Variants in RAP1GAP observed in about 807,000 individuals in gnomAD.
RAP1GAP encodes the protein RAP1 GTPase activating protein.
In RAP1GAP, 35 loss-of-function variants were observed where a neutral mutation model predicts 87.2. That is an observed-to-expected ratio of 0.40 (90% CI 0.31 to 0.53). The LOEUF (loss-of-function observed/expected upper bound fraction) is 0.53, where lower values mean the gene tolerates loss of function less well. RAP1GAP is among the 20% of genes least tolerant of loss of function. RAP1GAP has a pLI of 0.48. For missense variants in RAP1GAP, 734 were observed against 898.9 expected (o/e 0.82, Z 2.35); for synonymous variants, 375 against 363.9 (o/e 1.03, Z -0.35).
chr1:21,660,059 C>T (rs1270104576), intron 1 of RAP1GAP, among the ~76,000 whole-genome samples: 2 of 151,842 alleles, frequency 1.3e-5, no homozygotes, highest in African/African-American at 2.4e-5. Flanking sequence ...CTGGTATCCT[C>T]GGGCTTGAAT....
At chr1:21,625,311 T>G (rs2091478875) in intron 3 of RAP1GAP, among the ~76,000 whole-genome samples, 1 of 152,198 alleles carries the variant, frequency 6.6e-6, no homozygotes, top group Non-Finnish European at 1.5e-5. Flanking sequence ...CCACTTTACT[T>G]CTCTGATCTC....
intron 1 of RAP1GAP, chr1:21,653,343 T>C (rs1178442847): frequency 6.6e-6 from 1 of 152,268 alleles, no homozygotes; most frequent in African/African-American, 2.4e-5. Flanking sequence ...AAACATTATT[T>C]CCTCATTCCT....
At chr1:21,617,283 C>T (rs373462096) in intron 7 of RAP1GAP, 23 bp downstream of exon 7, 64 of 1,554,050 alleles carry the variant, frequency 4.1e-5, no homozygotes, top group Non-Finnish European at 5.5e-5. Flanking sequence ...CAGCCAGCCC[C>T]GCTGCACCAG....
chr1:21,597,912 C>T (rs1313096595), intron 23 of RAP1GAP, 49 bp downstream of exon 23: 1 of 1,531,746 alleles, frequency 6.5e-7, no homozygotes, highest in Non-Finnish European at 8.9e-7. Context: ...CAGCTCATCC[C>T]CTCCCGGGTG....
intron 1 of RAP1GAP, among the ~76,000 whole-genome samples, chr1:21,652,972 TGAGG>T (rs1473171378): frequency 6.6e-6 from 1 of 152,098 alleles, no homozygotes; most frequent in African/African-American, 2.4e-5. Context: ...CAGCCGGGGA[TGAGG>T]GAGGAAGGAT....
At chr1:21,651,798 T>C in intron 1 of RAP1GAP, 1 of 1,358,896 alleles carries the variant, frequency 7.4e-7, no homozygotes, top group Non-Finnish European at 9.5e-7. Flanking sequence ...GCCCCGAAGG[T>C]GAAGCTGCGC....
chr1:21,634,636 C>G lies in RAP1GAP; in HGVS notation c.-112-8239G>C. The G allele has an allele frequency of 4.4e-6, 1 of 226,156 alleles. No individual in the cohort carries two copies. The highest frequency in any genetic ancestry group is 1.0e-5 in the Non-Finnish European group (1 of 98,284). 14.0% of individuals were successfully genotyped at this position (226,156 alleles called of 1,614,324 possible). On this transcript the variant is annotated intron_variant, in intron 2 of 24. Coordinates refer to ENST00000374765, the MANE Select transcript of RAP1GAP (RefSeq NM_002885.4). The surrounding 1 kb of genome is among the most constrained non-coding windows in gnomAD (Gnocchi z 4.1). ...CCATGCTGGCTGCATGCCGAGACAC[C>G]CGGATCCCGGAGCTGGGCCAGGCAG... is the stretch of plus-strand genomic sequence containing the variant.
chr1:21,627,656 C>T (rs1161737418), intron 2 of RAP1GAP, among the ~76,000 whole-genome samples: 1 of 152,034 alleles, frequency 6.6e-6, no homozygotes, highest in Non-Finnish European at 1.5e-5. Context: ...CTCAGGTGAT[C>T]TGCCCGCCTC....
chr1:21,621,996 C>T (rs140986174), intron 3 of RAP1GAP, among the ~76,000 whole-genome samples: 2,307 of 152,290 alleles, frequency 0.015, 68 homozygotes, highest in African/African-American at 0.051. Context: ...GGGTGCCCCA[C>T]ATGAAAGCAC....
At chr1:21,612,140 G>A (rs1379515234) in intron 10 of RAP1GAP, 31 bp from the exon 11 acceptor site, 1 of 1,490,428 alleles carries the variant, frequency 6.7e-7, no homozygotes, top group Middle Eastern at 1.7e-4. Flanking sequence ...TGAAGAGGCT[G>A]CGTGTGCAAG....
intron 1 of RAP1GAP, among the ~76,000 whole-genome samples, chr1:21,663,518 G>A (rs1289657303): frequency 2.0e-5 from 3 of 152,184 alleles, no homozygotes. Flanking sequence ...GGCTGCCCTG[G>A]CAGTTCTGGC....
chr1:21,634,349 G>A lies in RAP1GAP; in HGVS notation c.-112-7952C>T, dbSNP rs1419441585. 2.6e-5 allele frequency among the ~76,000 whole-genome samples: 4 copies of A among 152,180 alleles called. No individual in the cohort carries two copies. The highest frequency in any genetic ancestry group is 4.8e-5 in the African/African-American group (2 of 41,436). ...GAGCGTGGCGATGGGGTAGAGGAGC[G>A]GCAGGGGGACTATTTGCCATGCGGG... On this transcript the variant is annotated intron_variant, in intron 2 of 24. Coordinates refer to ENST00000374765, the MANE Select transcript of RAP1GAP (RefSeq NM_002885.4). The surrounding 1 kb of genome is among the most constrained non-coding windows in gnomAD (Gnocchi z 4.1).
At position 21,634,865 on chromosome 1, in the gene RAP1GAP, A is replaced by G; in HGVS notation, c.-112-8468T>C. 3.8e-6 allele frequency: 1 copy of G among 264,178 alleles called. No individual in the cohort carries two copies. Among genetic ancestry groups the G allele is most frequent in the Non-Finnish European group, 8.7e-6 (1 of 115,362 alleles). The allele number at this position is 264,178 out of a possible 1,614,324, so 16.4% of individuals were successfully genotyped here. ...CCACCGAGGACTTCAGTGTGGACTGACTCCTCCCCTGCACTGGGGTAAGGA... is the reference window on the plus strand; with the variant it reads ...CCACCGAGGACTTCAGTGTGGACTGGCTCCTCCCCTGCACTGGGGTAAGGA... On this transcript the variant is annotated intron_variant, in intron 2 of 24. Transcript: ENST00000374765. The surrounding 1 kb of genome is among the most constrained non-coding windows in gnomAD (Gnocchi z 4.1).
chr1:21,628,029 A>C (rs925481488), intron 2 of RAP1GAP, among the ~76,000 whole-genome samples: 4 of 152,178 alleles, frequency 2.6e-5, no homozygotes, highest in Non-Finnish European at 4.4e-5. Context: ...TGGGCAGCTC[A>C]TGGGAATTCA....
chr1:21,613,644 A>G lies in RAP1GAP; in HGVS notation c.458T>C (p.Val153Ala). 1 of 1,613,472 alleles carries G rather than the reference A, an allele frequency of 6.2e-7. No individual in the cohort carries two copies. The highest frequency in any genetic ancestry group is 1.3e-5 in the African/African-American group (1 of 75,042). Residue 153 changes from valine (V) to alanine (A), a missense_variant, in exon 9 of 25, where the codon GTT (valine) becomes GCT (alanine). Transcript: ENST00000374765. The surrounding 1 kb of genome is among the most constrained non-coding windows in gnomAD (Gnocchi z 4.7). The stretch of plus-strand genomic sequence containing the variant: ...AGACCTCACCTTTGCCATCTGGACA[A>G]CATTAGGGAACTCGGTGAGGCAGGA... ...PISCLTEFPN[V>A]VQMAKLVCED...
chr1:21,602,212 G>A (rs914250869), intron 19 of RAP1GAP, among the ~76,000 whole-genome samples: 14 of 152,138 alleles, frequency 9.2e-5, no homozygotes, highest in Admixed American at 3.3e-4. Context: ...GGCCTCACAC[G>A]CAGTGCCCTG....
rs182257411 is a variant in RAP1GAP, at chr1:21,602,852, C to T, written c.1490G>A (p.Arg497His). The T allele has an allele frequency of 5.6e-6, 9 of 1,609,606 alleles. No homozygotes were observed. Among genetic ancestry groups the T allele is most frequent in the South Asian group, 1.1e-5 (1 of 91,048 alleles). ...RKKSGPFGSRRSSAIGIENIQ... is the reference protein window; with the variant it reads ...RKKSGPFGSRHSSAIGIENIQ... ...GTTCTCGATGCCAATGGCGCTGCTG[C>T]GGCGGGAGCCGAACGGGCCCGACTT... Residue 497 changes from arginine (R) to histidine (H), a missense_variant, in exon 19 of 25, where the codon CGC (arginine) becomes CAC (histidine). Physicochemically the swap from Arg to His is conservative, Grantham distance 29. Around this residue, in one of 2 missense-constraint regions of RAP1GAP, gnomAD observed 249 missense variants for 252.7 expected, o/e 0.99. Coordinates refer to ENST00000374765, the MANE Select transcript of RAP1GAP (RefSeq NM_002885.4).
intron 2 of RAP1GAP, among the ~76,000 whole-genome samples, chr1:21,636,555 C>G (rs2094694490): frequency 1.3e-5 from 2 of 152,098 alleles, no homozygotes; most frequent in African/African-American, 4.8e-5. Flanking sequence ...GCCTATAATC[C>G]CAGCACTCTG....
At chr1:21,624,844 CT>C (rs2091171303) in intron 3 of RAP1GAP, among the ~76,000 whole-genome samples, 1 of 6,430 alleles carries the variant, frequency 1.6e-4, no homozygotes, top group Non-Finnish European at 7.7e-4. Context: ...CTATGGGCTG[CT>C]CTCTCTCTCT....
Sources: allele counts gnomAD v4.1 joint callset (sites outside exome capture counted in the v4.1 genomes callset), GRCh38; gene constraint gnomAD v4.1.1; regional missense constraint gnomAD v4.1.1; non-coding constraint Gnocchi (gnomAD v3.1); transcripts MANE v1.5; gene names NCBI Gene and HGNC (gene_info 2026-07-23, HGNC 2026-07-21).